The following DENND1A variants were observed in gnomAD, a reference collection of about 807,000 sequenced individuals.
DENND1A encodes DENN domain-containing protein 1A.
In DENND1A, 51 loss-of-function variants were observed where a neutral mutation model predicts 113.7. The observed-to-expected ratio is 0.45, with a 90% CI of 0.36 to 0.57. DENND1A has a LOEUF of 0.57. Among genes scored for constraint, DENND1A ranks in the 20% least tolerant of loss-of-function variants. The pLI is 0.00. For missense variants in DENND1A, 1,258 were observed against 1,395.9 expected (o/e 0.90, Z 1.57); for synonymous variants, 565 against 570.8 (o/e 0.99, Z 0.14).
At chr9:123,392,086 C>T (rs955568848) in intron 21 of DENND1A, among the ~76,000 whole-genome samples, 3 of 152,192 alleles carry the variant, frequency 2.0e-5, no homozygotes, top group South Asian at 2.1e-4. Flanking sequence ...GGTTAGCGCG[C>T]GCGTGTGACA....
intron 6 of DENND1A, among the ~76,000 whole-genome samples, chr9:123,675,597 GC>G (rs1258776608): frequency 6.6e-6 from 1 of 151,912 alleles, no homozygotes; most frequent in African/African-American, 2.4e-5. Flanking sequence ...AAAATCTTAG[GC>G]CATTTACAAA....
At chr9:123,444,199 C>G (rs1229290430) in intron 18 of DENND1A, among the ~76,000 whole-genome samples, 1 of 152,148 alleles carries the variant, frequency 6.6e-6, no homozygotes, top group African/African-American at 2.4e-5. Context: ...CCCTTTGGCC[C>G]ACTGCTCCCA....
chr9:123,558,546 C>T (rs1020593287), intron 12 of DENND1A, among the ~76,000 whole-genome samples: 2 of 152,118 alleles, frequency 1.3e-5, no homozygotes, highest in African/African-American at 4.8e-5. Flanking sequence ...ACTTAAAAGC[C>T]TCCTAGTAGC....
At chr9:123,585,526 T>C (rs1335603955) in intron 11 of DENND1A, among the ~76,000 whole-genome samples, 1 of 152,248 alleles carries the variant, frequency 6.6e-6, no homozygotes, top group Non-Finnish European at 1.5e-5. Flanking sequence ...ATTTTACACA[T>C]GAGAATGCTG....
intron 11 of DENND1A, among the ~76,000 whole-genome samples, chr9:123,591,026 A>G (rs1031472483): frequency 6.6e-6 from 1 of 152,118 alleles, no homozygotes; most frequent in Admixed American, 6.5e-5. Flanking sequence ...AACTTTTTCA[A>G]TTCAAGCCCT....
chr9:123,407,394 ACACT>A (rs2043954849), intron 20 of DENND1A, among the ~76,000 whole-genome samples: 3 of 152,030 alleles, frequency 2.0e-5, no homozygotes, highest in South Asian at 2.1e-4. Flanking sequence ...TCACAAATAC[ACACT>A]CACAGAGGCA....
chr9:123,658,461 C>A (rs1432136721), intron 8 of DENND1A, among the ~76,000 whole-genome samples: 1 of 151,956 alleles, frequency 6.6e-6, no homozygotes, highest in African/African-American at 2.4e-5. Flanking sequence ...CATGTGTTAT[C>A]TTGATAGACA....
chr9:123,459,423 G>A (rs2048370434), intron 13 of DENND1A, among the ~76,000 whole-genome samples: 1 of 152,070 alleles, frequency 6.6e-6, no homozygotes. Context: ...ATTAAAGAAC[G>A]GGGATGATCA....
At chr9:123,734,729 C>A (rs776368923) in intron 5 of DENND1A, among the ~76,000 whole-genome samples, 1 of 152,112 alleles carries the variant, frequency 6.6e-6, no homozygotes, top group Non-Finnish European at 1.5e-5. Context: ...AGAGAATGCA[C>A]GTGAATGTTC....
chr9:123,728,143 G>A (rs956751813), intron 5 of DENND1A, among the ~76,000 whole-genome samples: 3 of 151,074 alleles, frequency 2.0e-5, no homozygotes. Flanking sequence ...ATGGAGAGAT[G>A]TACTATGTTC....
At chr9:123,471,578 G>C (rs949619172) in intron 13 of DENND1A, among the ~76,000 whole-genome samples, 1 of 152,188 alleles carries the variant, frequency 6.6e-6, no homozygotes, top group Non-Finnish European at 1.5e-5. Flanking sequence ...GAACCTCCAC[G>C]AAGCTGCCTG....
intron 13 of DENND1A, among the ~76,000 whole-genome samples, chr9:123,521,898 G>C (rs994973154): frequency 6.6e-6 from 1 of 152,210 alleles, no homozygotes; most frequent in Non-Finnish European, 1.5e-5. Flanking sequence ...ATCTGTGTAA[G>C]AAATGACAAC....
chr9:123,500,653 G>A (rs2772208), intron 13 of DENND1A, among the ~76,000 whole-genome samples: 85,635 of 151,970 alleles, frequency 0.56, 26,311 homozygotes, highest in East Asian at 0.71. Flanking sequence ...TTCTCCGCAC[G>A]CCTCTCCCTC....
intron 5 of DENND1A, among the ~76,000 whole-genome samples, chr9:123,729,488 A>T (rs1414211625): frequency 6.6e-6 from 1 of 152,222 alleles, no homozygotes; most frequent in Non-Finnish European, 1.5e-5. Context: ...GAGCCAAATC[A>T]TGAGTGAACT....
chr9:123,471,356 T>C (rs1279430596), intron 13 of DENND1A, among the ~76,000 whole-genome samples: 1 of 152,118 alleles, frequency 6.6e-6, no homozygotes, highest in Non-Finnish European at 1.5e-5. Context: ...AATCGAGGCA[T>C]GGAAAGTGCC....
At chr9:123,385,047 A>T (rs1386361447) in intron 22 of DENND1A, among the ~76,000 whole-genome samples, 2 of 152,230 alleles carry the variant, frequency 1.3e-5, no homozygotes, top group Admixed American at 6.5e-5. Context: ...AAAGGGTTCC[A>T]CTTGCCTTCC....
intron 19 of DENND1A, among the ~76,000 whole-genome samples, chr9:123,418,448 CAA>C (rs1044278660): frequency 6.6e-6 from 1 of 152,222 alleles, no homozygotes; most frequent in African/African-American, 2.4e-5. Context: ...GTTGATGCAG[CAA>C]AACACATTGT....
intron 12 of DENND1A, among the ~76,000 whole-genome samples, chr9:123,573,707 G>A (rs2058478820): frequency 6.6e-6 from 1 of 152,084 alleles, no homozygotes; most frequent in Admixed American, 6.5e-5. Context: ...ACACGATCAA[G>A]TTGTCTGAAT....
At chr9:123,534,443 A>G (rs1256480072) in intron 13 of DENND1A, among the ~76,000 whole-genome samples, 1 of 152,210 alleles carries the variant, frequency 6.6e-6, no homozygotes, top group African/African-American at 2.4e-5. Flanking sequence ...TTCATCTACT[A>G]TCTTTCAACA....
Sources: allele counts gnomAD v4.1 joint callset (sites outside exome capture counted in the v4.1 genomes callset), GRCh38; gene constraint gnomAD v4.1.1; transcripts MANE v1.5; gene names NCBI Gene and HGNC (gene_info 2026-07-23, HGNC 2026-07-21).